The following PCDH1 variants were observed in gnomAD, a reference collection of about 807,000 sequenced individuals.
PCDH1 encodes protocadherin-1.
PCDH1 carries 23 observed loss-of-function variants against 74.6 expected under a neutral mutation model. That is an observed-to-expected ratio of 0.31 (90% CI 0.22 to 0.44). The LOEUF (loss-of-function observed/expected upper bound fraction) is 0.44, where lower values mean the gene tolerates loss of function less well. Ranked by LOEUF, PCDH1 falls within the 20% of genes least tolerant of loss-of-function variation. The pLI is 1.00. For synonymous variants in PCDH1, 647 were observed against 686.1 expected (o/e 0.94, Z 0.89); for missense variants, 1,214 against 1,641.4 (o/e 0.74, Z 4.50).
At position 141,857,783 on chromosome 5, in the gene PCDH1, G is replaced by A. The variant is rs12523337; in HGVS notation, c.3100-312C>T. Reference sequence around the variant, plus strand: ...TCATCCAGTGCAACCGCTTGTTATAGCACAACCCTTCTAGTTCTAACCCAG... The same window carrying A: ...TCATCCAGTGCAACCGCTTGTTATAACACAACCCTTCTAGTTCTAACCCAG... On this transcript the variant is annotated intron_variant, in intron 3 of 4. Coordinates refer to ENST00000287008, the MANE Select transcript of PCDH1 (RefSeq NM_032420.5). 4.4e-3 allele frequency among the ~76,000 whole-genome samples: 674 copies of A among 152,274 alleles called. 35 individuals are homozygous for A. The East Asian group carries it at 0.092, about 21-fold the overall frequency.
chr5:141,862,399 G>A (rs2126811823), intron 3 of PCDH1, among the ~76,000 whole-genome samples: 1 of 152,232 alleles, frequency 6.6e-6, no homozygotes, highest in Admixed American at 6.5e-5. Context: ...ATAGACATGG[G>A]GCAAGGGGAC....
chr5:141,866,171 T>A, intron 2 of PCDH1: 1 of 985,488 alleles, frequency 1.0e-6, no homozygotes, highest in Non-Finnish European at 1.2e-6. Context: ...CAGCCACCGC[T>A]CTGTCAAACC....
chr5:141,864,292 G>A lies in PCDH1; in HGVS notation c.2039C>T (p.Thr680Ile), dbSNP rs1454298665. The A allele has an allele frequency of 7.4e-6, 12 of 1,613,860 alleles. No homozygotes were observed. The highest frequency in any genetic ancestry group is 1.0e-5 in the Non-Finnish European group (12 of 1,179,880). The change falls in exon 3 of 5, where the codon ACC becomes ATC. Residue 680 changes from threonine (T) to isoleucine (I), a missense_variant. This residue lies in a region of PCDH1 where 836 missense variants were observed against 1,182.2 expected (regional missense o/e 0.71). Coordinates refer to ENST00000287008, the MANE Select transcript of PCDH1 (RefSeq NM_032420.5). This position sits in a 1 kb window ranked among gnomAD's most constrained non-coding sequence, Gnocchi z 5.9. ...CACTGCCTTCAGCTGGAAGGTGTAG[G>A]TGCTTTGTTGCTCTCGATCAAAGCT... ...SLSFDREQQS[T>I]YTFQLKAVDG...
rs748635982 is a variant in PCDH1, at chr5:141,863,013, A to C, written c.3099+219T>G. On this transcript the variant is annotated intron_variant, in intron 3 of 4. Transcript: ENST00000287008. This position sits in a 1 kb window ranked among gnomAD's most constrained non-coding sequence, Gnocchi z 7.5. Reference sequence around the variant, plus strand: ...TCTCCCCAGTGGGGAGAGGGCAGGGAGGAGACCACAGAGCACACCCTCCCT... The same window carrying C: ...TCTCCCCAGTGGGGAGAGGGCAGGGCGGAGACCACAGAGCACACCCTCCCT... The C allele has an allele frequency of 4.3e-4, 543 of 1,277,050 alleles. No homozygotes were observed. The highest frequency in any genetic ancestry group is 1.8e-3 in the South Asian group (50 of 28,458). The allele number at this position is 1,277,050 out of a possible 1,614,324, so 79.1% of individuals were successfully genotyped here.
Position 141,864,965 on chromosome 5 carries a change from ACTT to A in PCDH1, c.1363_1365del (p.Lys455del), listed in dbSNP as rs751752911. ...AGCGGGGTGGTAGTCTGCAGGAAAT[ACTT>A]CTTCTTGCTGTCACTGCCTGTCTCA... On this transcript the variant is annotated inframe_deletion, in exon 3 of 5. Coordinates refer to ENST00000287008, the MANE Select transcript of PCDH1 (RefSeq NM_032420.5). This position sits in a 1 kb window ranked among gnomAD's most constrained non-coding sequence, Gnocchi z 5.9. The A allele has an allele frequency of 3.1e-6, 5 of 1,613,954 alleles. No homozygotes were observed. Among genetic ancestry groups the A allele is most frequent in the Non-Finnish European group, 4.2e-6 (5 of 1,179,992 alleles).
rs1752930354 is a variant in PCDH1, at chr5:141,868,146, C to T, written c.903+423G>A. The stretch of plus-strand genomic sequence containing the variant: ...ATATCCTCCAGCTTCAGGAAAACCT[C>T]ATCTGGCTAAAGAGAAACTATCCCT... On this transcript the variant is annotated intron_variant, in intron 2 of 4. Transcript: ENST00000287008. The surrounding 1 kb of genome is among the most constrained non-coding windows in gnomAD (Gnocchi z 4.8). Among the ~76,000 whole-genome samples, 1 of 152,256 alleles carries T rather than the reference C, an allele frequency of 6.6e-6. No individual in the cohort carries two copies. The highest frequency in any genetic ancestry group is 1.5e-5 in the Non-Finnish European group (1 of 68,048).
chr5:141,861,208 T>C (rs1364546374), intron 3 of PCDH1, among the ~76,000 whole-genome samples: 1 of 151,482 alleles, frequency 6.6e-6, no homozygotes, highest in African/African-American at 2.4e-5. Context: ...AGGGCACTTC[T>C]CATTCGACTC....
intron 1 of PCDH1, among the ~76,000 whole-genome samples, chr5:141,876,160 C>T (rs1753226701): frequency 6.6e-6 from 1 of 152,090 alleles, no homozygotes; most frequent in South Asian, 2.1e-4. Context: ...GGGGGGACGG[C>T]GGCAGTTTCT....
Position 141,854,068 on chromosome 5 carries a change from T to A in PCDH1, c.3688A>T (p.Thr1230Ser), listed in dbSNP as rs373225365. 6.8e-4 allele frequency: 1,037 copies of A among 1,526,254 alleles called. 15 individuals are homozygous for A. The South Asian group carries it at 0.012, about 17-fold the overall frequency. 94.5% of individuals were successfully genotyped at this position (1,526,254 alleles called of 1,614,324 possible). A position where few individuals can be genotyped will look rare whatever the true frequency, so the allele number is the denominator to read the frequency against. The change falls in exon 5 of 5, where the codon ACG (threonine) becomes TCG (serine). Residue 1230 changes from threonine (T) to serine (S), a missense_variant. Thr to Ser is a moderately conservative substitution (Grantham distance 58). Coordinates refer to ENST00000287008, the MANE Select transcript of PCDH1 (RefSeq NM_032420.5). ...PPAATPASAQTAKREIYL is the reference protein window; with the variant it reads ...PPAATPASAQSAKREIYL ...CACAGGTAGATCTCGCGCTTGGCCGTCTGGGCAGATGCCGGTGTGGCTGCG... is the reference window on the plus strand; with the variant it reads ...CACAGGTAGATCTCGCGCTTGGCCGACTGGGCAGATGCCGGTGTGGCTGCG...
chr5:141,870,364 G>A (rs1049954942), intron 1 of PCDH1, among the ~76,000 whole-genome samples: 1 of 152,280 alleles, frequency 6.6e-6, no homozygotes, highest in East Asian at 1.9e-4. Flanking sequence ...GGGCAGGTGC[G>A]TACAAGGGAA....
At chr5:141,873,613 ATTTTTTTT>A (rs34468568) in intron 1 of PCDH1, among the ~76,000 whole-genome samples, 3 of 122,526 alleles carry the variant, frequency 2.4e-5, no homozygotes, top group African/African-American at 9.3e-5. Flanking sequence ...TGCCCAGCTA[ATTTTTTTT>A]TTTTTTTTTT....
At position 141,864,764 on chromosome 5, in the gene PCDH1, C is replaced by T; in HGVS notation, c.1567G>A (p.Glu523Lys). The T allele has an allele frequency of 6.2e-7, 1 of 1,614,118 alleles. No homozygotes were observed. Among genetic ancestry groups the T allele is most frequent in the Non-Finnish European group, 8.5e-7 (1 of 1,180,036 alleles). ...CTGGCAGTGATCTCAGCAATCACTT[C>T]ACCAGGCTTGTTGTTTTCCGGGAAG... is the stretch of plus-strand genomic sequence containing the variant. ...VAFPENNKPG[E>K]VIAEITASDA... is the part of the protein sequence containing the mutation. Residue 523 changes from glutamate (E) to lysine (K), a missense_variant, in exon 3 of 5, where the codon GAA (glutamate) becomes AAA (lysine). Physicochemically the swap from Glu to Lys is moderately conservative, Grantham distance 56. Coordinates refer to ENST00000287008, the MANE Select transcript of PCDH1 (RefSeq NM_032420.5). The surrounding 1 kb of genome is among the most constrained non-coding windows in gnomAD (Gnocchi z 5.9).
Position 141,869,503 on chromosome 5 carries a change from G to T in PCDH1, c.41-72C>A, listed in dbSNP as rs1035436742. The T allele has an allele frequency of 1.6e-5, 25 of 1,562,810 alleles. No individual in the cohort carries two copies. The highest frequency in any genetic ancestry group is 2.2e-5 in the Non-Finnish European group (25 of 1,162,248). The stretch of plus-strand genomic sequence containing the variant: ...GCCTGGCCCTGAGCTGCCCAGAGCT[G>T]GCCCCATACTCACCCTCTCCCACTG... On this transcript the variant is annotated intron_variant, in intron 1 of 4. Transcript: ENST00000287008. This position sits in a 1 kb window ranked among gnomAD's most constrained non-coding sequence, Gnocchi z 4.9.
intron 1 of PCDH1, among the ~76,000 whole-genome samples, chr5:141,874,035 G>C (rs536431822): frequency 7.2e-5 from 11 of 152,312 alleles, no homozygotes; most frequent in Non-Finnish European, 1.5e-4. Context: ...CCAGAGTCTG[G>C]GGGAAAGAAA....
At chr5:141,862,826 C>T in intron 3 of PCDH1, 1 of 1,072,114 alleles carries the variant, frequency 9.3e-7, no homozygotes, top group African/African-American at 1.7e-5. Context: ...CTCCCTGTTT[C>T]CCTCCTAGAG....
In PCDH1 at chr5:141,865,936, G is replaced by T; in HGVS notation, c.904-509C>A. The T allele has an allele frequency of 1.8e-6, 1 of 550,684 alleles. No homozygotes were observed. The highest frequency in any genetic ancestry group is 2.4e-6 in the Non-Finnish European group (1 of 424,700). The allele number at this position is 550,684 out of a possible 1,614,324, so 34.1% of individuals were successfully genotyped here. A position where few individuals can be genotyped will look rare whatever the true frequency, so the allele number is the denominator to read the frequency against. ...TGTGTCAGAATGTGTGATTAAATGT[G>T]ATATGTTTGTGTGAGAAGGTATATG... On this transcript the variant is annotated intron_variant, in intron 2 of 4. Transcript: ENST00000287008. This position sits in a 1 kb window ranked among gnomAD's most constrained non-coding sequence, Gnocchi z 4.4.
rs556245446 is a variant in PCDH1, at chr5:141,863,312, C to T, written c.3019G>A (p.Gly1007Arg). Residue 1007 changes from glycine to arginine, a missense_variant, in exon 3 of 5, where the codon GGG becomes AGG. Physicochemically the swap from Gly to Arg is moderately radical, Grantham distance 125. This residue lies in a region of PCDH1 where 836 missense variants were observed against 1,182.2 expected (regional missense o/e 0.71). Coordinates refer to ENST00000287008, the MANE Select transcript of PCDH1 (RefSeq NM_032420.5). This position sits in a 1 kb window ranked among gnomAD's most constrained non-coding sequence, Gnocchi z 7.5. ...LPPANTFVGT[G>R]DTTSTGSEQY... Reference sequence around the variant, plus strand: ...TCAGAGCCCGTGGACGTGGTGTCCCCGGTGCCCACGAATGTGTTTGCAGGT... The same window carrying T: ...TCAGAGCCCGTGGACGTGGTGTCCCTGGTGCCCACGAATGTGTTTGCAGGT... 5.8e-6 allele frequency: 9 copies of T among 1,556,252 alleles called. No individual in the cohort carries two copies. The highest frequency in any genetic ancestry group is 2.7e-5 in the African/African-American group (2 of 73,352).
Position 141,857,456 on chromosome 5 carries a change from C to T in PCDH1, c.3115G>A (p.Val1039Ile), listed in dbSNP as rs554581630. The T allele has an allele frequency of 3.1e-6, 5 of 1,613,618 alleles. No homozygotes were observed. The highest frequency in any genetic ancestry group is 1.3e-5 in the African/African-American group (1 of 74,996). The stretch of plus-strand genomic sequence containing the variant: ...GCCTGGCTGGTGGCCGAGAAGGTGA[C>T]GCGGCGGTGAGGTAACTGCAGGGAG... ...YPSKQLPHRR[V>I]TFSATSQAQE... Residue 1039 changes from valine to isoleucine, a missense_variant, in exon 4 of 5, where the codon GTC becomes ATC. Coordinates refer to ENST00000287008, the MANE Select transcript of PCDH1 (RefSeq NM_032420.5).
At chr5:141,875,785 CCT>C (rs1265333421) in intron 1 of PCDH1, among the ~76,000 whole-genome samples, 1 of 152,140 alleles carries the variant, frequency 6.6e-6, no homozygotes, top group African/African-American at 2.4e-5. Context: ...GGCCAGTCTG[CCT>C]CTCCCCTCGA....
Sources: allele counts gnomAD v4.1 joint callset (sites outside exome capture counted in the v4.1 genomes callset), GRCh38; gene constraint gnomAD v4.1.1; regional missense constraint gnomAD v4.1.1; non-coding constraint Gnocchi (gnomAD v3.1); transcripts MANE v1.5; gene names NCBI Gene and HGNC (gene_info 2026-07-23, HGNC 2026-07-21).